BTBD9: variants seen among roughly 807,000 people sequenced by gnomAD.
BTBD9 encodes BTB domain containing 9, also known as BTB/POZ domain-containing protein 9.
In BTBD9, 49 loss-of-function variants were observed where a neutral mutation model predicts 64.3. The observed-to-expected ratio is 0.76, with a 90% confidence interval of 0.61 to 0.97. The LOEUF is 0.97. Ranked by LOEUF, BTBD9 falls within the 50% of genes least tolerant of loss-of-function variation. The pLI is 0.00. For synonymous variants in BTBD9, 260 were observed against 274.7 expected, an observed-to-expected ratio of 0.95 and a Z score of 0.53; for missense variants, 598 against 762.1, an observed-to-expected ratio of 0.78 and a Z score of 2.53.
chr6:38,583,477 T>C (rs950033243), intron 4 of BTBD9, among the ~76,000 whole-genome samples: 5 of 152,174 alleles, frequency 3.3e-5, no homozygotes, highest in Non-Finnish European at 5.9e-5. Context: ...CCAGCCTGGA[T>C]GATAGAGCCA....
intron 10 of BTBD9, among the ~76,000 whole-genome samples, chr6:38,191,410 G>A (rs1762065951): frequency 6.6e-6 from 1 of 152,218 alleles, no homozygotes; most frequent in Non-Finnish European, 1.5e-5. Flanking sequence ...GAAGCCCTGT[G>A]TTCATAAAGC....
At chr6:38,480,232 G>C (rs923968960) in intron 6 of BTBD9, among the ~76,000 whole-genome samples, 19 of 152,280 alleles carry the variant, frequency 1.2e-4, no homozygotes, top group Non-Finnish European at 2.4e-4. Flanking sequence ...CAAGCTTCTT[G>C]ATACTCAGCT....
intron 6 of BTBD9, among the ~76,000 whole-genome samples, chr6:38,456,702 G>T (rs981810189): frequency 6.6e-5 from 10 of 152,150 alleles, no homozygotes; most frequent in Admixed American, 3.3e-4. Context: ...AAAAAGTTGG[G>T]TTGTCTGTTT....
chr6:38,256,528 G>C lies in BTBD9; in HGVS notation c.1455-12C>G, dbSNP rs1319602701. 1.3e-6 allele frequency: 2 copies of C among 1,576,430 alleles called. No homozygotes were observed. Among genetic ancestry groups the C allele is most frequent in the East Asian group, 2.2e-5 (1 of 44,692 alleles). On this transcript the variant is annotated splice_polypyrimidine_tract_variant and intron_variant, in intron 8 of 10. Coordinates refer to ENST00000481247, the MANE Select transcript of BTBD9 (RefSeq NM_001099272.2). ...CCCAAAGTAGTAACCTGAACAAAGG[G>C]AAAAACATAAGATTGCTGTAAATGT...
intron 6 of BTBD9, among the ~76,000 whole-genome samples, chr6:38,488,407 T>C (rs1771552459): frequency 6.6e-6 from 1 of 152,176 alleles, no homozygotes; most frequent in Admixed American, 6.5e-5. Context: ...ATCAGAATTA[T>C]CCAGGTTTAG....
intron 6 of BTBD9, among the ~76,000 whole-genome samples, chr6:38,564,378 T>C (rs1036988153): frequency 6.6e-6 from 1 of 152,172 alleles, no homozygotes; most frequent in African/African-American, 2.4e-5. Context: ...TATGTTTTTG[T>C]TGAATAAATG....
intron 6 of BTBD9, among the ~76,000 whole-genome samples, chr6:38,459,177 C>T (rs1314820374): frequency 6.6e-6 from 1 of 152,054 alleles, no homozygotes; most frequent in Non-Finnish European, 1.5e-5. Flanking sequence ...CACCACCACG[C>T]CTGGCTAATT....
At position 38,506,295 on chromosome 6, in the gene BTBD9, C is replaced by A. The variant is rs1772510825; in HGVS notation, c.1154+71305G>T. On this transcript the variant is annotated intron_variant, in intron 6 of 10. Coordinates refer to ENST00000481247, the MANE Select transcript of BTBD9 (RefSeq NM_001099272.2). ...TACCAAACATCATAGCTTAGCCTAT[C>A]CTACCTTAAATGTGTTCAGAATACT... Among the ~76,000 whole-genome samples, 5 of 152,194 alleles carry A rather than the reference C, an allele frequency of 3.3e-5. No individual in the cohort carries two copies. In the South Asian group the frequency reaches 1.0e-3, roughly 32 times the overall value.
At chr6:38,204,786 T>C (rs1762577486) in intron 9 of BTBD9, among the ~76,000 whole-genome samples, 1 of 151,818 alleles carries the variant, frequency 6.6e-6, no homozygotes, top group African/African-American at 2.4e-5. Flanking sequence ...TAGAGAAAAG[T>C]AATGACTCAG....
At chr6:38,390,849 C>T (rs1766378580) in intron 6 of BTBD9, among the ~76,000 whole-genome samples, 1 of 151,006 alleles carries the variant, frequency 6.6e-6, no homozygotes, top group Admixed American at 6.6e-5. Flanking sequence ...TATAGAACAA[C>T]AGTGACAGTC....
At chr6:38,366,672 G>A (rs532473504) in intron 6 of BTBD9, among the ~76,000 whole-genome samples, 4 of 152,158 alleles carry the variant, frequency 2.6e-5, no homozygotes, top group Non-Finnish European at 5.9e-5. Context: ...ACAGTATCAA[G>A]CACACAACTG....
chr6:38,270,190 ATT>A (rs1351200400), intron 8 of BTBD9, among the ~76,000 whole-genome samples: 2 of 152,156 alleles, frequency 1.3e-5, no homozygotes, highest in Non-Finnish European at 1.5e-5. Flanking sequence ...AAGAACAAAC[ATT>A]TATGTCCTCT....
intron 7 of BTBD9, among the ~76,000 whole-genome samples, chr6:38,296,327 T>G (rs1343315266): frequency 6.6e-6 from 1 of 152,194 alleles, no homozygotes; most frequent in Non-Finnish European, 1.5e-5. Flanking sequence ...AAAGTATTAT[T>G]TATTATACCT....
intron 8 of BTBD9, among the ~76,000 whole-genome samples, chr6:38,259,380 T>C (rs1764715239): frequency 6.6e-6 from 1 of 152,180 alleles, no homozygotes; most frequent in Non-Finnish European, 1.5e-5. Flanking sequence ...GTTTTCCGTT[T>C]TCCTTCACCG....
intron 6 of BTBD9, among the ~76,000 whole-genome samples, chr6:38,375,163 A>G (rs896423815): frequency 6.6e-6 from 1 of 152,228 alleles, no homozygotes; most frequent in African/African-American, 2.4e-5. Context: ...AATGCTATTG[A>G]GTTGTCCACA....
chr6:38,374,717 T>C (rs1031364238), intron 6 of BTBD9, among the ~76,000 whole-genome samples: 1 of 152,116 alleles, frequency 6.6e-6, no homozygotes, highest in Admixed American at 6.5e-5. Flanking sequence ...CAGAGACAAC[T>C]AACCCTGCAT....
chr6:38,549,249 C>A (rs1341248947), intron 6 of BTBD9, among the ~76,000 whole-genome samples: 1 of 152,180 alleles, frequency 6.6e-6, no homozygotes, highest in African/African-American at 2.4e-5. Context: ...CTGTAAGGTT[C>A]TCTTTATGAA....
intron 9 of BTBD9, among the ~76,000 whole-genome samples, chr6:38,193,646 G>A (rs538225008): frequency 4.9e-4 from 75 of 152,260 alleles, no homozygotes; most frequent in African/African-American, 1.8e-3. Context: ...TGGCACCCAC[G>A]ACTGTAAACT....
chr6:38,392,683 C>G (rs1020747010), intron 6 of BTBD9, among the ~76,000 whole-genome samples: 6 of 152,160 alleles, frequency 3.9e-5, no homozygotes, highest in African/African-American at 1.4e-4. Flanking sequence ...AAATGGCAGT[C>G]AGAATCTGAA....
Sources: allele counts gnomAD v4.1 joint callset (sites outside exome capture counted in the v4.1 genomes callset), GRCh38; gene constraint gnomAD v4.1.1; transcripts MANE v1.5; gene names NCBI Gene and HGNC (gene_info 2026-07-23, HGNC 2026-07-21).